The following ARHGEF10 variants were observed in gnomAD, a reference collection of about 807,000 sequenced individuals.
ARHGEF10 encodes Rho guanine nucleotide exchange factor (GEF) 10.
ARHGEF10 carries 140 observed loss-of-function variants against 147.4 expected under a neutral mutation model. The observed-to-expected ratio is 0.95, with a 90% CI of 0.83 to 1.09. The LOEUF (loss-of-function observed/expected upper bound fraction) is 1.09, where lower values mean the gene tolerates loss of function less well. Among genes scored for constraint, ARHGEF10 ranks in the 50% least tolerant of loss-of-function variants. The pLI is 0.00. For synonymous variants in ARHGEF10, 902 were observed against 695.8 expected (o/e 1.30, Z -4.67); for missense variants, 2,222 against 1,752.7 (o/e 1.27, Z -4.78).
intron 18 of ARHGEF10, among the ~76,000 whole-genome samples, chr8:1,916,495 C>G (rs117171866): frequency 6.6e-6 from 1 of 152,122 alleles, no homozygotes; most frequent in Non-Finnish European, 1.5e-5. Flanking sequence ...ATTTTAGTCA[C>G]GGGGGAGAAT....
intron 1 of ARHGEF10, among the ~76,000 whole-genome samples, chr8:1,840,557 T>C (rs1391401276): frequency 6.7e-6 from 1 of 150,316 alleles, no homozygotes; most frequent in African/African-American, 2.4e-5. Flanking sequence ...GTGGAAGCTG[T>C]CTGATATGGG....
intron 11 of ARHGEF10, among the ~76,000 whole-genome samples, chr8:1,893,092 C>CAAA (rs34033686): frequency 0.097 from 7,422 of 76,660 alleles, 500 homozygotes; most frequent in East Asian, 0.13. Flanking sequence ...AAGATCTTTG[C>CAAA]AAAAAAAAAA....
Position 1,823,949 on chromosome 8 carries a change from C to A in ARHGEF10, c.-212C>A, listed in dbSNP as rs1331685005. The A allele has an allele frequency of 6.7e-6, 1 of 148,598 alleles. No homozygotes were observed. Among genetic ancestry groups the A allele is most frequent in the Non-Finnish European group, 1.5e-5 (1 of 67,172 alleles). 9.2% of individuals were successfully genotyped at this position (148,598 alleles called of 1,614,324 possible). Reference sequence around the variant, plus strand: ...GGAGGGGCTGGGCGCATCCCTGTAGCCGGCGGGCGCGCGATCCGGGACGGA... The same window carrying A: ...GGAGGGGCTGGGCGCATCCCTGTAGACGGCGGGCGCGCGATCCGGGACGGA... On this transcript the variant is annotated 5_prime_UTR_variant, in exon 1 of 29. Coordinates refer to ENST00000349830, the MANE Select transcript of ARHGEF10 (RefSeq NM_014629.4).
intron 7 of ARHGEF10, among the ~76,000 whole-genome samples, chr8:1,874,652 A>G (rs1448278421): frequency 6.6e-6 from 1 of 151,882 alleles, no homozygotes; most frequent in African/African-American, 2.4e-5. Flanking sequence ...CAGTGCAGAC[A>G]CACACCAGGG....
Position 1,948,160 on chromosome 8 carries a change from A to G in ARHGEF10, c.3397+2505A>G, listed in dbSNP as rs559867311. Among the ~76,000 whole-genome samples, 1 of 152,146 alleles carries G rather than the reference A, an allele frequency of 6.6e-6. No homozygotes were observed. The highest frequency in any genetic ancestry group is 2.4e-5 in the African/African-American group (1 of 41,530). On this transcript the variant is annotated intron_variant, in intron 27 of 28. Transcript: ENST00000349830. The surrounding 1 kb of genome is among the most constrained non-coding windows in gnomAD (Gnocchi z 4.9). ...CCACAAGCCTCTCACTTGGCAGCAG[A>G]TGCATGGGGCTCTGCAGAGCCACCA...
At chr8:1,915,080 G>A (rs1441793476) in intron 18 of ARHGEF10, among the ~76,000 whole-genome samples, 1 of 152,072 alleles carries the variant, frequency 6.6e-6, no homozygotes, top group Non-Finnish European at 1.5e-5. Flanking sequence ...CTGTGCCCCT[G>A]TGTGCTCATG....
intron 1 of ARHGEF10, among the ~76,000 whole-genome samples, chr8:1,825,061 A>G (rs1461309940): frequency 7.7e-5 from 1 of 13,054 alleles, no homozygotes; most frequent in Non-Finnish European, 1.4e-4. Context: ...CCCGCACTCC[A>G]CCTGTCCCCC....
intron 2 of ARHGEF10, among the ~76,000 whole-genome samples, chr8:1,846,808 C>G (rs867901292): frequency 2.6e-5 from 4 of 152,306 alleles, no homozygotes; most frequent in South Asian, 2.1e-4. Flanking sequence ...AACTCCTGAC[C>G]TCAAGTGATC....
At chr8:1,856,870 G>C (rs1381011368) in intron 2 of ARHGEF10, among the ~76,000 whole-genome samples, 1 of 152,216 alleles carries the variant, frequency 6.6e-6, no homozygotes, top group Non-Finnish European at 1.5e-5. Flanking sequence ...GGGAAAGGCT[G>C]GCAGGGGCTG....
chr8:1,823,916 T>A (rs1476863747), upstream of ARHGEF10: 1 of 146,832 alleles, frequency 6.8e-6, no homozygotes, highest in Non-Finnish European at 1.5e-5. Flanking sequence ...GAGCAGGCCG[T>A]CCGGGCGGGA....
At chr8:1,876,894 G>A (rs1052728654) in intron 8 of ARHGEF10, among the ~76,000 whole-genome samples, 160 bp downstream of exon 8, 7 of 152,236 alleles carry the variant, frequency 4.6e-5, no homozygotes, top group Non-Finnish European at 1.0e-4. Context: ...GAGAAGACGT[G>A]TCTTGTTTCA....
intron 2 of ARHGEF10, among the ~76,000 whole-genome samples, chr8:1,845,381 CA>C (rs1338034417): frequency 6.6e-6 from 1 of 152,190 alleles, no homozygotes; most frequent in Non-Finnish European, 1.5e-5. Flanking sequence ...GGGTGAGCAC[CA>C]GAGCTTGCGT....
chr8:1,837,127 A>C (rs753750237), intron 1 of ARHGEF10, among the ~76,000 whole-genome samples: 1 of 152,260 alleles, frequency 6.6e-6, no homozygotes, highest in Non-Finnish European at 1.5e-5. Context: ...TTTGGAAGGA[A>C]ATTTTTGGAG....
chr8:1,923,403 A>G (rs1349352322), intron 19 of ARHGEF10, 65 bp from the exon 20 acceptor site: 5 of 1,604,530 alleles, frequency 3.1e-6, no homozygotes, highest in Non-Finnish European at 4.3e-6. Context: ...GTGTCTTTTT[A>G]TCTTCCTTGG....
intron 17 of ARHGEF10, among the ~76,000 whole-genome samples, chr8:1,909,088 C>T (rs1297781352): frequency 1.3e-5 from 2 of 152,220 alleles, no homozygotes; most frequent in Admixed American, 6.5e-5. Context: ...CTCTTCCCTG[C>T]ACTCTCTCTC....
intron 17 of ARHGEF10, among the ~76,000 whole-genome samples, chr8:1,907,579 T>C (rs931710700): frequency 1.3e-5 from 2 of 152,238 alleles, no homozygotes; most frequent in Non-Finnish European, 2.9e-5. Context: ...CACACTTGAC[T>C]CTTGGGCAGT....
chr8:1,925,538 A>G, intron 22 of ARHGEF10, 134 bp downstream of exon 22: 1 of 1,260,384 alleles, frequency 7.9e-7, no homozygotes, highest in Non-Finnish European at 1.1e-6. Flanking sequence ...CCGCTTCTCT[A>G]GAGGTCATTT....
chr8:1,893,557 A>C lies in ARHGEF10; in HGVS notation c.1183-12A>C. The C allele has an allele frequency of 2.5e-6, 4 of 1,604,518 alleles. No homozygotes were observed. The highest frequency in any genetic ancestry group is 3.4e-6 in the Non-Finnish European group (4 of 1,171,426). On this transcript the variant is annotated splice_polypyrimidine_tract_variant and intron_variant, in intron 11 of 28. Transcript: ENST00000349830. ...GCAGTTTTCTATCATTGTACTTCCAAATTTCCAACAGGTTGTAAGAAGATA... is the reference window on the plus strand; with the variant it reads ...GCAGTTTTCTATCATTGTACTTCCACATTTCCAACAGGTTGTAAGAAGATA...
intron 26 of ARHGEF10, among the ~76,000 whole-genome samples, chr8:1,936,662 T>G (rs1813636469): frequency 6.6e-6 from 1 of 152,232 alleles, no homozygotes; most frequent in South Asian, 2.1e-4. Context: ...CATTAAGAGC[T>G]TCTAAAAATA....
Sources: gnomAD v4.1 joint callset for allele counts (sites outside exome capture counted in the v4.1 genomes callset) on GRCh38, gnomAD v4.1.1 for gene constraint, Gnocchi (gnomAD v3.1) non-coding constraint, MANE v1.5 for transcripts, NCBI Gene and HGNC (gene_info 2026-07-23, HGNC 2026-07-21) for gene names.